LRCH1: variants seen among roughly 807,000 people sequenced by gnomAD.
The protein encoded by LRCH1 is leucine-rich repeat and calponin homology domain-containing protein 1.
A neutral mutation model predicts 94.9 loss-of-function variants in LRCH1; 23 were observed. That is an observed-to-expected ratio of 0.24 (90% CI 0.17 to 0.34). LRCH1 has a LOEUF of 0.34. Among genes scored for constraint, LRCH1 ranks in the 10% least tolerant of loss-of-function variants. LRCH1 has a pLI of 1.00. For missense variants in LRCH1, 790 were observed against 945.9 expected, an observed-to-expected ratio of 0.84 and a Z score of 2.16; for synonymous variants, 364 against 354.9, an observed-to-expected ratio of 1.03 and a Z score of -0.29.
rs2051461465 is a variant in LRCH1, at chr13:46,662,491, T to G, written c.453-6539T>G. On this transcript the variant is annotated intron_variant, in intron 2 of 19. Coordinates refer to ENST00000389797, the MANE Select transcript of LRCH1 (RefSeq NM_001164211.2). ...TCCACAGTTCACTTATTTTGAAAGC[T>G]CAATTGATTTTGAGCATTCAATTCC... 2.0e-5 allele frequency among the ~76,000 whole-genome samples: 3 copies of G among 152,338 alleles called. No individual in the cohort carries two copies. In the South Asian group the frequency reaches 6.2e-4, roughly 32 times the overall value.
chr13:46,675,845 C>T (rs571380675), intron 3 of LRCH1, among the ~76,000 whole-genome samples: 1 of 152,092 alleles, frequency 6.6e-6, no homozygotes, highest in Admixed American at 6.5e-5. Context: ...TGGGGTAGGC[C>T]GTGTGTTTGT....
At chr13:46,619,888 A>G (rs936699388) in intron 1 of LRCH1, among the ~76,000 whole-genome samples, 4 of 152,208 alleles carry the variant, frequency 2.6e-5, no homozygotes, top group African/African-American at 9.7e-5. Flanking sequence ...TTGTGTTACT[A>G]CCAGTAACTC....
chr13:46,553,279 C>T lies in LRCH1; in HGVS notation c.-118C>T. ...CTGCCCACACCCTCCTCCCCTCCTT[C>T]CAGCGCCTTTCGGTGGAGCACTGCG... On this transcript the variant is annotated 5_prime_UTR_variant, in exon 1 of 20. Transcript: ENST00000389797. 1.8e-6 allele frequency: 1 copy of T among 567,904 alleles called. No individual in the cohort carries two copies. Among genetic ancestry groups the T allele is most frequent in the East Asian group, 5.0e-5 (1 of 19,954 alleles). The allele number at this position is 567,904 out of a possible 1,614,324, so 35.2% of individuals were successfully genotyped here.
At chr13:46,746,942 C>T (rs1472356787), downstream of LRCH1, among the ~76,000 whole-genome samples, 1 of 152,120 alleles carries the variant, frequency 6.6e-6, no homozygotes, top group Admixed American at 6.5e-5. Context: ...AGGTGTAATT[C>T]CCACCAGAGT....
chr13:46,649,416 A>G (rs558993794), intron 1 of LRCH1, among the ~76,000 whole-genome samples: 8 of 152,250 alleles, frequency 5.3e-5, no homozygotes, highest in Non-Finnish European at 4.4e-5. Flanking sequence ...CTATTGCATA[A>G]TCTTATCATC....
In LRCH1 at chr13:46,681,831, A is replaced by G. The variant is rs369635173; in HGVS notation, c.670A>G (p.Lys224Glu). The change falls in exon 4 of 20, where the codon AAA becomes GAA. Residue 224 changes from lysine to glutamate, a missense_variant. This residue lies in a region of LRCH1 where 194 missense variants were observed against 293.5 expected (regional missense o/e 0.66). Transcript: ENST00000389797. ...ACTGAATGTCAGAAGAAATTACCTT[A>G]AAGTTTTACCACAAGGTAAAAAAGA... ...RELNVRRNYL[K>E]VLPQELVDLS... 4.4e-6 allele frequency: 7 copies of G among 1,607,296 alleles called. No homozygotes were observed. The highest frequency in any genetic ancestry group is 1.1e-5 in the South Asian group (1 of 90,906).
chr13:46,748,641 C>T (rs1385018385), downstream of LRCH1, among the ~76,000 whole-genome samples: 1 of 152,186 alleles, frequency 6.6e-6, no homozygotes, highest in Non-Finnish European at 1.5e-5. Flanking sequence ...TCACAGCTCA[C>T]AACTCAGACA....
At chr13:46,705,849 A>C (rs902884330) in intron 13 of LRCH1, among the ~76,000 whole-genome samples, 2 of 152,208 alleles carry the variant, frequency 1.3e-5, no homozygotes, top group East Asian at 3.8e-4. Flanking sequence ...GCTGTAAAGA[A>C]AGCAGTTTTG....
In LRCH1 at chr13:46,579,460, T is replaced by C. The variant is rs564078906; in HGVS notation, c.307+25757T>C. 3.4e-4 allele frequency among the ~76,000 whole-genome samples: 15 copies of C among 43,798 alleles called. No individual in the cohort carries two copies. The East Asian group carries it at 0.013, about 38-fold the overall frequency. 28.7% of individuals were successfully genotyped at this position (43,798 alleles called of 152,430 possible). A position where few individuals can be genotyped will look rare whatever the true frequency, so the allele number is the denominator to read the frequency against. On this transcript the variant is annotated intron_variant, in intron 1 of 19. Coordinates refer to ENST00000389797, the MANE Select transcript of LRCH1 (RefSeq NM_001164211.2). ...TTATTTTTTCTTCCTTGGAATTTCT[T>C]TTCTTTTTTTTTTTTAACCATATAT...
rs1210986177 is a variant in LRCH1, at chr13:46,658,821, T to A, written c.452+8476T>A. Among the ~76,000 whole-genome samples the A allele has an allele frequency of 3.9e-5, 6 of 152,182 alleles. No individual in the cohort carries two copies. In the East Asian group the frequency reaches 1.2e-3, roughly 29 times the overall value. On this transcript the variant is annotated intron_variant, in intron 2 of 19. Transcript: ENST00000389797. Reference sequence around the variant, plus strand: ...CAGTTTTTAAAGTTATCTTTAAAAGTTTACTTTTAATTTAGTTATATTGTG... The same window carrying A: ...CAGTTTTTAAAGTTATCTTTAAAAGATTACTTTTAATTTAGTTATATTGTG...
intron 11 of LRCH1, 127 bp downstream of exon 11, chr13:46,701,334 A>T: frequency 5.0e-6 from 3 of 601,456 alleles, no homozygotes; most frequent in Non-Finnish European, 8.7e-6. Context: ...TAACAAAGAA[A>T]AGTCATGTTT....
intron 2 of LRCH1, among the ~76,000 whole-genome samples, chr13:46,650,722 C>CAAAAAAA (rs756410319): frequency 3.4e-5 from 2 of 58,244 alleles, no homozygotes; most frequent in African/African-American, 9.7e-5. Context: ...AAACAAGGAG[C>CAAAAAAA]AAAAAAAAAA....
chr13:46,619,757 G>C (rs9534441), intron 1 of LRCH1, among the ~76,000 whole-genome samples: 3 of 150,718 alleles, frequency 2.0e-5, no homozygotes, highest in African/African-American at 7.4e-5. Context: ...TGTGGTGGTT[G>C]TTGTTGTTTG....
chr13:46,610,797 C>T (rs1008849), intron 1 of LRCH1, among the ~76,000 whole-genome samples: 81,990 of 152,030 alleles, frequency 0.54, 22,208 homozygotes, highest in Middle Eastern at 0.59. Flanking sequence ...TATAAACATG[C>T]GATAACACAG....
At chr13:46,676,939 G>T (rs969148325) in intron 3 of LRCH1, among the ~76,000 whole-genome samples, 2 of 151,942 alleles carry the variant, frequency 1.3e-5, no homozygotes, top group African/African-American at 4.8e-5. Flanking sequence ...CACCATGCCC[G>T]ACTAATTTTT....
chr13:46,722,622 A>G (rs955707978), intron 16 of LRCH1, among the ~76,000 whole-genome samples: 4 of 152,152 alleles, frequency 2.6e-5, no homozygotes, highest in African/African-American at 7.2e-5. Context: ...GCTACTTCCA[A>G]TCTTGCCAGC....
intron 2 of LRCH1, 28 bp from the exon 3 acceptor site, chr13:46,669,002 A>C: frequency 6.2e-7 from 1 of 1,613,232 alleles, no homozygotes; most frequent in Middle Eastern, 1.7e-4. Flanking sequence ...TTCTGTTTAC[A>C]TGTGTTCTTG....
intron 17 of LRCH1, among the ~76,000 whole-genome samples, chr13:46,724,515 G>GAAGCTT (rs1291189507): frequency 6.6e-6 from 1 of 152,194 alleles, no homozygotes; most frequent in Admixed American, 6.5e-5. Flanking sequence ...GGGTGTCATT[G>GAAGCTT]AAGCTTAAAC....
At chr13:46,610,452 C>G (rs1171554965) in intron 1 of LRCH1, among the ~76,000 whole-genome samples, 1 of 150,630 alleles carries the variant, frequency 6.6e-6, no homozygotes, top group Non-Finnish European at 1.5e-5. Context: ...AGTTATCTAC[C>G]CAAATCTTCC....
Sources: allele counts gnomAD v4.1 joint callset (sites outside exome capture counted in the v4.1 genomes callset), GRCh38; gene constraint gnomAD v4.1.1; regional missense constraint gnomAD v4.1.1; transcripts MANE v1.5; gene names NCBI Gene and HGNC (gene_info 2026-07-23, HGNC 2026-07-21).